RNF212B: variants seen among roughly 807,000 people sequenced by gnomAD.
The protein encoded by RNF212B is ring finger protein 212B, also known as E3 ubiquitin-protein ligase RNF212B.
A neutral mutation model predicts 55.5 loss-of-function variants in RNF212B; 52 were observed. The ratio of observed to expected loss-of-function variants is 0.94; its 90% CI spans 0.75 to 1.18. RNF212B has a LOEUF of 1.18. Ranked by LOEUF, RNF212B falls within the 50% of genes most tolerant of loss-of-function variation. The pLI is 0.00. For synonymous variants in RNF212B, 99 were observed against 121.4 expected (o/e 0.82, Z 1.21); for missense variants, 289 against 350.4 (o/e 0.82, Z 1.40).
upstream of RNF212B, among the ~76,000 whole-genome samples, chr14:23,235,836 T>G (rs1276916406): frequency 6.6e-6 from 1 of 152,174 alleles, no homozygotes; most frequent in Non-Finnish European, 1.5e-5. Context: ...GGGCAAAAGA[T>G]CCATTTAAAG....
chr14:23,265,829 C>A (rs1885653320), intron 11 of RNF212B, among the ~76,000 whole-genome samples: 2 of 152,098 alleles, frequency 1.3e-5, no homozygotes. Context: ...TTTCTAGTTT[C>A]CTAAGGTGGA....
intron 5 of RNF212B, among the ~76,000 whole-genome samples, chr14:23,259,066 C>T (rs1205798851): frequency 6.6e-6 from 1 of 151,908 alleles, no homozygotes; most frequent in Non-Finnish European, 1.5e-5. Flanking sequence ...GTGGTTCACA[C>T]CTGTAGTCCC....
At chr14:23,191,812 G>A (rs1275533571) in intron 1 of RNF212B, among the ~76,000 whole-genome samples, 2 of 152,168 alleles carry the variant, frequency 1.3e-5, no homozygotes, top group Non-Finnish European at 2.9e-5. Flanking sequence ...CTAAGGCCTA[G>A]AGCAGTTCTT....
upstream of RNF212B, among the ~76,000 whole-genome samples, chr14:23,234,589 T>C (rs894742809): frequency 2.0e-5 from 3 of 152,350 alleles, no homozygotes; most frequent in Admixed American, 6.5e-5. Flanking sequence ...CCATGCACAC[T>C]TACCAATTAA....
chr14:23,189,830 G>A (rs540825190), intron 1 of RNF212B, among the ~76,000 whole-genome samples: 21 of 152,126 alleles, frequency 1.4e-4, no homozygotes, highest in Admixed American at 1.1e-3. Flanking sequence ...AAAATGAACA[G>A]AACTTCCCTT....
At chr14:23,243,120 A>G (rs1279616593) in intron 2 of RNF212B, 136 bp from the exon 3 acceptor site, 3 of 613,774 alleles carry the variant, frequency 4.9e-6, no homozygotes, top group Middle Eastern at 5.2e-4. Context: ...TTATAACACA[A>G]TGATATTCTA....
At chr14:23,197,045 G>A (rs1238348456) in intron 2 of RNF212B, among the ~76,000 whole-genome samples, 1 of 152,132 alleles carries the variant, frequency 6.6e-6, no homozygotes, top group Non-Finnish European at 1.5e-5. Flanking sequence ...CAGTGCCTAG[G>A]ACTAAGTAGG....
intron 2 of RNF212B, among the ~76,000 whole-genome samples, chr14:23,197,050 A>G (rs1878788768): frequency 6.6e-6 from 1 of 152,196 alleles, no homozygotes; most frequent in Non-Finnish European, 1.5e-5. Context: ...CCTAGGACTA[A>G]GTAGGTACCC....
At chr14:23,256,697 A>AT (rs1884859230) in intron 4 of RNF212B, among the ~76,000 whole-genome samples, 1 of 152,062 alleles carries the variant, frequency 6.6e-6, no homozygotes, top group Admixed American at 6.6e-5. Flanking sequence ...TTCTAAAATA[A>AT]TTTTTTTAAG....
chr14:23,248,481 G>T (rs1411145724), intron 4 of RNF212B, among the ~76,000 whole-genome samples: 1 of 113,898 alleles, frequency 8.8e-6, no homozygotes, highest in Non-Finnish European at 1.7e-5. Flanking sequence ...TTGCTCTGTC[G>T]CCCAGACTGG....
intron 2 of RNF212B, among the ~76,000 whole-genome samples, chr14:23,211,162 G>T (rs1318989764): frequency 6.6e-6 from 1 of 151,414 alleles, no homozygotes; most frequent in East Asian, 1.9e-4. Flanking sequence ...AAGTTGTGGT[G>T]AGCTGAGATT....
chr14:23,233,532 C>T (rs1443739485), upstream of RNF212B, among the ~76,000 whole-genome samples: 1 of 143,646 alleles, frequency 7.0e-6, no homozygotes. Context: ...CTGAGACCAG[C>T]CTGGGCAACA....
At chr14:23,272,426 CAACAAACAAACA>C (rs376451658) in intron 14 of RNF212B, 1 of 253,586 alleles carries the variant, frequency 3.9e-6, no homozygotes, top group Non-Finnish European at 7.7e-6. Context: ...CTCAAAAAAA[CAACAAACAAACA>C]AACAAACAAA....
chr14:23,205,855 C>A (rs987175787), intron 2 of RNF212B, among the ~76,000 whole-genome samples: 1 of 152,172 alleles, frequency 6.6e-6, no homozygotes, highest in African/African-American at 2.4e-5. Flanking sequence ...AAGCATAGAT[C>A]ATTCTGTTTT....
At chr14:23,258,997 C>CT (rs759580080) in intron 5 of RNF212B, among the ~76,000 whole-genome samples, 6 of 151,036 alleles carry the variant, frequency 4.0e-5, no homozygotes, top group Non-Finnish European at 7.4e-5. Context: ...GCCTGGGCAA[C>CT]ACAGCGAGAC....
At position 23,238,013 on chromosome 14, in the gene RNF212B, T is replaced by A. The variant is rs935909961; in HGVS notation, c.-44T>A. 6.6e-6 allele frequency among the ~76,000 whole-genome samples: 1 copy of A among 152,236 alleles called. No individual in the cohort carries two copies. Among genetic ancestry groups the A allele is most frequent in the African/African-American group, 2.4e-5 (1 of 41,462 alleles). On this transcript the variant is annotated 5_prime_UTR_variant, in exon 1 of 15. Coordinates refer to ENST00000430154, the MANE Select transcript of RNF212B (RefSeq NM_001282322.3). ...CTCTTCGTGAGGAGAACTGGATGAT[T>A]TCCTGAGATCTGAGGCTTTCTGGAA...
At chr14:23,204,461 A>T (rs1055588639) in intron 2 of RNF212B, among the ~76,000 whole-genome samples, 8 of 152,170 alleles carry the variant, frequency 5.3e-5, no homozygotes, top group Non-Finnish European at 1.2e-4. Flanking sequence ...CAATTATCCC[A>T]GCGCCATTTA....
At chr14:23,234,798 A>G (rs115778121), upstream of RNF212B, among the ~76,000 whole-genome samples, 1,365 of 152,378 alleles carry the variant, frequency 9.0e-3, 16 homozygotes, top group African/African-American at 0.031. Context: ...AAGATTACTC[A>G]GGCATGATGC....
intron 2 of RNF212B, among the ~76,000 whole-genome samples, chr14:23,227,563 G>A (rs546408026): frequency 2.0e-5 from 3 of 150,290 alleles, no homozygotes; most frequent in South Asian, 4.2e-4. Context: ...TACATTAAAT[G>A]TCAATATACA....
Sources: gnomAD v4.1 joint callset for allele counts (sites outside exome capture counted in the v4.1 genomes callset) on GRCh38, gnomAD v4.1.1 for gene constraint, MANE v1.5 for transcripts, NCBI Gene and HGNC (gene_info 2026-07-23, HGNC 2026-07-21) for gene names.